MMP26: variants seen among roughly 807,000 people sequenced by gnomAD.
MMP26 encodes the protein matrix metalloproteinase-26.
MMP26 carries 33 observed loss-of-function variants against 31.0 expected under a neutral mutation model. That is an observed-to-expected ratio of 1.06 (90% CI 0.81 to 1.42). The LOEUF (loss-of-function observed/expected upper bound fraction) is 1.42. MMP26 is among the 40% of genes most tolerant of loss of function. MMP26 has a pLI of 0.00. For synonymous variants in MMP26, 122 were observed against 114.9 expected (o/e 1.06, Z -0.40); for missense variants, 347 against 316.1 (o/e 1.10, Z -0.74).
chr11:4,871,573 G>A (rs1356864706), intron 2 of MMP26: 1 of 152,150 alleles, frequency 6.6e-6, no homozygotes, highest in African/African-American at 2.4e-5. Flanking sequence ...AGAAGCCTGG[G>A]TCTGTGTAGC....
At chr11:4,922,233 T>C (rs1851196452) in intron 2 of MMP26, among the ~76,000 whole-genome samples, 1 of 152,218 alleles carries the variant, frequency 6.6e-6, no homozygotes, top group African/African-American at 2.4e-5. Flanking sequence ...TTCTTCTTCA[T>C]GGTGAATTTC....
At chr11:4,915,165 T>C (rs781652792) in intron 2 of MMP26, 3 of 1,613,740 alleles carry the variant, frequency 1.9e-6, no homozygotes, top group Admixed American at 3.3e-5. Context: ...CTTTTGAGCA[T>C]AAAAGGTAAT....
chr11:4,766,718 T>TCCCTCCCTCCCTCCCG, intron 1 of MMP26, among the ~76,000 whole-genome samples: 1 of 43,066 alleles, frequency 2.3e-5, no homozygotes, highest in South Asian at 9.3e-4. Context: ...CCTCCCTCCC[T>TCCCTCCCTCCCTCCCG]TCCTTCCTTC....
intron 2 of MMP26, among the ~76,000 whole-genome samples, chr11:4,854,270 C>T (rs1416908138): frequency 6.6e-6 from 1 of 152,206 alleles, no homozygotes; most frequent in Non-Finnish European, 1.5e-5. Context: ...GGGGCATCGC[C>T]TCACCTGGGA....
rs563123393 is a variant in MMP26, at chr11:4,954,963, T to C, written c.-144-33105T>C. On this transcript the variant is annotated intron_variant, in intron 2 of 7. Transcript: ENST00000380390. ...AGGTTGATGATGGGCAGGTAGAAGA[T>C]GATCACTGCACAGATGTGTGAAACA... 1.6e-5 allele frequency: 21 copies of C among 1,321,714 alleles called. 3 individuals are homozygous for C. In the South Asian group the frequency reaches 1.7e-4, roughly 11 times the overall value. The allele number at this position is 1,321,714 out of a possible 1,614,324, so 81.9% of individuals were successfully genotyped here. A position where few individuals can be genotyped will look rare whatever the true frequency, so the allele number is the denominator to read the frequency against.
intron 1 of MMP26, among the ~76,000 whole-genome samples, chr11:4,742,795 A>G (rs1034884583): frequency 6.6e-6 from 1 of 152,194 alleles, no homozygotes; most frequent in African/African-American, 2.4e-5. Flanking sequence ...CTACTTTGCA[A>G]GGTAGTTGAA....
chr11:4,971,160 C>A (rs1846660938), intron 2 of MMP26, among the ~76,000 whole-genome samples: 1 of 152,094 alleles, frequency 6.6e-6, no homozygotes, highest in Non-Finnish European at 1.5e-5. Context: ...GAGGAATAAT[C>A]CCCACTCAAG....
At chr11:4,803,414 G>A (rs1589905303) in intron 2 of MMP26, 1 of 1,493,008 alleles carries the variant, frequency 6.7e-7, no homozygotes, top group Non-Finnish European at 9.2e-7. Context: ...TAAGTGATGG[G>A]GATACACTGA....
intron 2 of MMP26, among the ~76,000 whole-genome samples, chr11:4,858,600 A>G (rs1392713654): frequency 2.6e-5 from 4 of 152,244 alleles, no homozygotes; most frequent in Non-Finnish European, 5.9e-5. Flanking sequence ...AGAACATTCC[A>G]TGCTCATGGA....
chr11:4,823,803 G>C (rs1849544465), intron 2 of MMP26, among the ~76,000 whole-genome samples: 1 of 152,118 alleles, frequency 6.6e-6, no homozygotes, highest in Non-Finnish European at 1.5e-5. Flanking sequence ...TCAATTATGT[G>C]ATTAAGCATC....
At chr11:4,859,814 G>A (rs1296902932) in intron 2 of MMP26, 1 of 471,522 alleles carries the variant, frequency 2.1e-6, no homozygotes, top group South Asian at 1.5e-5. Flanking sequence ...TAGAAGAGGA[G>A]CACGGTAGAC....
At chr11:4,761,432 G>C (rs1221165827) in intron 1 of MMP26, among the ~76,000 whole-genome samples, 1 of 152,136 alleles carries the variant, frequency 6.6e-6, no homozygotes, top group Non-Finnish European at 1.5e-5. Context: ...ACTTCTATAA[G>C]GAATCTTAAT....
intron 2 of MMP26, among the ~76,000 whole-genome samples, chr11:4,922,487 C>A (rs1479021507): frequency 6.6e-6 from 1 of 151,972 alleles, no homozygotes; most frequent in Non-Finnish European, 1.5e-5. Flanking sequence ...GATATATGTA[C>A]CAACACAAAC....
intron 2 of MMP26, among the ~76,000 whole-genome samples, chr11:4,814,499 G>A (rs1460232293): frequency 6.6e-6 from 1 of 152,168 alleles, no homozygotes; most frequent in Non-Finnish European, 1.5e-5. Flanking sequence ...ATAAAGAGCA[G>A]AATCTAATGC....
chr11:4,848,958 G>T, intron 2 of MMP26: 2 of 1,614,152 alleles, frequency 1.2e-6, no homozygotes, highest in Non-Finnish European at 1.7e-6. Flanking sequence ...GGGCATCAGG[G>T]CAGTGACCAA....
intron 2 of MMP26, chr11:4,871,572 G>C (rs1850311187): frequency 6.6e-6 from 1 of 152,118 alleles, no homozygotes; most frequent in African/African-American, 2.4e-5. Context: ...CAGAAGCCTG[G>C]GTCTGTGTAG....
intron 2 of MMP26, among the ~76,000 whole-genome samples, chr11:4,981,805 A>G (rs1328482389): frequency 1.3e-5 from 2 of 151,802 alleles, no homozygotes; most frequent in Non-Finnish European, 2.9e-5. Context: ...TAAGCTTTTT[A>G]TACTTTTAAG....
intron 2 of MMP26, among the ~76,000 whole-genome samples, chr11:4,841,098 A>G (rs1849788052): frequency 6.6e-6 from 1 of 152,228 alleles, no homozygotes; most frequent in Non-Finnish European, 1.5e-5. Context: ...AAGACAGGCT[A>G]TTTGAAAATA....
At chr11:4,942,032 TCAAGATCGTGC>T (rs1846214965) in intron 2 of MMP26, among the ~76,000 whole-genome samples, 2 of 136,888 alleles carry the variant, frequency 1.5e-5, no homozygotes, top group African/African-American at 5.7e-5. Context: ...TTGCAGTGAG[TCAAGATCGTGC>T]CACTGTGCTC....
Sources: gnomAD v4.1 joint callset for allele counts (sites outside exome capture counted in the v4.1 genomes callset) on GRCh38, gnomAD v4.1.1 for gene constraint, MANE v1.5 for transcripts, NCBI Gene and HGNC (gene_info 2026-07-23, HGNC 2026-07-21) for gene names.